The following LCLAT1 variants were observed in gnomAD, a reference collection of about 807,000 sequenced individuals.
LCLAT1 encodes 1-AGP acyltransferase 8.
LCLAT1 carries 11 observed loss-of-function variants against 30.7 expected under a neutral mutation model. The observed-to-expected ratio is 0.36, with a 90% CI of 0.23 to 0.59. The LOEUF (loss-of-function observed/expected upper bound fraction) is 0.59, where lower values mean the gene tolerates loss of function less well. Among genes scored for constraint, LCLAT1 ranks in the 20% least tolerant of loss-of-function variants. The probability of loss-of-function intolerance (pLI) is 0.77; values close to 1 mark genes in which losing one functional copy is unlikely to be tolerated. For missense variants in LCLAT1, 402 were observed against 458.6 expected, an observed-to-expected ratio of 0.88 and a Z score of 1.13; for synonymous variants, 155 against 151.3, an observed-to-expected ratio of 1.02 and a Z score of -0.18.
At chr2:30,458,509 G>A (rs952919778) in intron 1 of LCLAT1, among the ~76,000 whole-genome samples, 1 of 152,176 alleles carries the variant, frequency 6.6e-6, no homozygotes, top group African/African-American at 2.4e-5. Flanking sequence ...ATTTTTGGAT[G>A]AGTAGGGAGG....
rs1667194543 is a variant in LCLAT1 at position 30,601,760 on chromosome 2, A to G, written c.628+33584A>G. On this transcript the variant is annotated intron_variant, in intron 5 of 5. Coordinates refer to ENST00000379509, the MANE Select transcript of LCLAT1 (RefSeq NM_001002257.3). Reference sequence around the variant, plus strand: ...ATGCCAGAGATACACCAACAAAGTGACATAAATGTTGTATATAAGTTCTCC... The same window carrying G: ...ATGCCAGAGATACACCAACAAAGTGGCATAAATGTTGTATATAAGTTCTCC... 2.6e-5 allele frequency among the ~76,000 whole-genome samples: 4 copies of G among 152,002 alleles called. No individual in the cohort carries two copies. The South Asian group carries it at 8.3e-4, about 32-fold the overall frequency.
At chr2:30,545,931 G>A (rs938978535) in intron 3 of LCLAT1, among the ~76,000 whole-genome samples, 2 of 152,100 alleles carry the variant, frequency 1.3e-5, no homozygotes, top group African/African-American at 4.8e-5. Context: ...AAGAGATAGT[G>A]ATTTAAAACC....
intron 3 of LCLAT1, among the ~76,000 whole-genome samples, chr2:30,534,999 T>C (rs983878564): frequency 6.6e-6 from 1 of 152,164 alleles, no homozygotes. Flanking sequence ...AAAGTGTATA[T>C]GAGATTTAAA....
At chr2:30,533,633 A>G (rs559572537) in intron 3 of LCLAT1, among the ~76,000 whole-genome samples, 2 of 152,372 alleles carry the variant, frequency 1.3e-5, no homozygotes, top group East Asian at 3.9e-4. Context: ...GATTTCGGCC[A>G]GAAACTGGTC....
intron 4 of LCLAT1, among the ~76,000 whole-genome samples, chr2:30,564,858 A>G (rs929919194): frequency 1.3e-5 from 2 of 152,150 alleles, no homozygotes; most frequent in Non-Finnish European, 2.9e-5. Context: ...AACTTTACAT[A>G]TATTCTATCT....
chr2:30,455,215 C>G (rs1681771011), intron 1 of LCLAT1, among the ~76,000 whole-genome samples: 1 of 152,102 alleles, frequency 6.6e-6, no homozygotes. Flanking sequence ...ATGAGGAACT[C>G]TGAAATTGTA....
At chr2:30,609,013 A>G (rs1278375580) in intron 5 of LCLAT1, among the ~76,000 whole-genome samples, 1 of 152,028 alleles carries the variant, frequency 6.6e-6, no homozygotes, top group Admixed American at 6.6e-5. Context: ...TCAAATAGGT[A>G]TATTTTAATT....
chr2:30,494,851 C>A (rs545048185), intron 1 of LCLAT1, among the ~76,000 whole-genome samples: 11 of 148,900 alleles, frequency 7.4e-5, no homozygotes, highest in African/African-American at 2.7e-4. Flanking sequence ...AAATTTATCA[C>A]TGATTTTTCT....
At chr2:30,472,005 G>A (rs1027398027) in intron 1 of LCLAT1, among the ~76,000 whole-genome samples, 5 of 152,166 alleles carry the variant, frequency 3.3e-5, no homozygotes, top group Non-Finnish European at 7.4e-5. Context: ...TCATTGTCAT[G>A]AACCATTGCT....
chr2:30,634,250 TCA>T (rs543340707), intron 5 of LCLAT1, among the ~76,000 whole-genome samples: 29 of 152,318 alleles, frequency 1.9e-4, no homozygotes, highest in African/African-American at 6.7e-4. Context: ...TTTCCAATAG[TCA>T]CAGTGTCTGA....
At chr2:30,494,621 T>A (rs1684010139) in intron 1 of LCLAT1, among the ~76,000 whole-genome samples, 2 of 151,670 alleles carry the variant, frequency 1.3e-5, no homozygotes, top group Admixed American at 1.3e-4. Flanking sequence ...TATGCATACA[T>A]GTATGTAAGT....
At chr2:30,456,051 C>T (rs747378785) in intron 1 of LCLAT1, among the ~76,000 whole-genome samples, 16 of 150,958 alleles carry the variant, frequency 1.1e-4, no homozygotes, top group African/African-American at 1.5e-4. Context: ...ATTTCTTTTT[C>T]GAAGGCTTTA....
In LCLAT1 at chr2:30,447,690, G is replaced by A. The variant is rs1681327113; in HGVS notation, c.-5+307G>A. On this transcript the variant is annotated intron_variant, in intron 1 of 5. Transcript: ENST00000379509. The stretch of plus-strand genomic sequence containing the variant: ...GCGAGGTAGCCGCGGGGCGAAGAGG[G>A]TCCCGTCGGTGTTTACGCTAGGAGC... 2.6e-5 allele frequency among the ~76,000 whole-genome samples: 4 copies of A among 152,252 alleles called. 1 individual carries two copies. In the South Asian group the frequency reaches 8.3e-4, roughly 31 times the overall value.
At chr2:30,504,001 CCTGA>C (rs954177276) in intron 1 of LCLAT1, among the ~76,000 whole-genome samples, 1 of 152,124 alleles carries the variant, frequency 6.6e-6, no homozygotes, top group East Asian at 1.9e-4. Flanking sequence ...GAGGTCTTAG[CCTGA>C]CTGTCACAAC....
intron 5 of LCLAT1, among the ~76,000 whole-genome samples, chr2:30,638,298 T>C (rs1374662016): frequency 6.6e-6 from 1 of 152,148 alleles, no homozygotes; most frequent in Non-Finnish European, 1.5e-5. Context: ...GCTATTGAGG[T>C]AAAATGTAAA....
At chr2:30,629,487 G>T (rs1234727303) in intron 5 of LCLAT1, among the ~76,000 whole-genome samples, 1 of 152,176 alleles carries the variant, frequency 6.6e-6, no homozygotes, top group Non-Finnish European at 1.5e-5. Context: ...TTGAACCCGG[G>T]AAGTGGAAGT....
chr2:30,566,775 A>G (rs1427215508), intron 4 of LCLAT1, among the ~76,000 whole-genome samples: 4 of 152,160 alleles, frequency 2.6e-5, no homozygotes, highest in African/African-American at 4.8e-5. Flanking sequence ...CTTTTTCCAA[A>G]TGTATTTGCT....
At position 30,608,589 on chromosome 2, in the gene LCLAT1, T is replaced by C. The variant is rs533496243; in HGVS notation, c.629-31528T>C. Among the ~76,000 whole-genome samples the C allele has an allele frequency of 3.9e-5, 6 of 152,210 alleles. No homozygotes were observed. In the East Asian group the frequency reaches 1.2e-3, roughly 29 times the overall value. On this transcript the variant is annotated intron_variant, in intron 5 of 5. Transcript: ENST00000379509. ...CTGTATTTTTACCATACCTTTTCTA[T>C]GTTTAGACACACAAATACTTAGCAT...
At chr2:30,625,802 T>G (rs1428984046) in intron 5 of LCLAT1, among the ~76,000 whole-genome samples, 1 of 152,188 alleles carries the variant, frequency 6.6e-6, no homozygotes, top group Non-Finnish European at 1.5e-5. Flanking sequence ...GAAAGTAAAG[T>G]AGCATAGTGG....
Sources: allele counts gnomAD v4.1 joint callset (sites outside exome capture counted in the v4.1 genomes callset), GRCh38; gene constraint gnomAD v4.1.1; transcripts MANE v1.5; gene names NCBI Gene and HGNC (gene_info 2026-07-23, HGNC 2026-07-21).